NPHP1: variants seen among roughly 807,000 people sequenced by gnomAD.
NPHP1 encodes nephrocystin 1.
Under a neutral mutation model 90.4 loss-of-function variants are expected in NPHP1, and 70 were observed. The ratio of observed to expected loss-of-function variants is 0.77; its 90% CI spans 0.64 to 0.95. The LOEUF (loss-of-function observed/expected upper bound fraction) is 0.95. Ranked by LOEUF, NPHP1 falls within the 40% of genes least tolerant of loss-of-function variation. The pLI is 0.00. For missense variants in NPHP1, 764 were observed against 795.9 expected (o/e 0.96, Z 0.48); for synonymous variants, 256 against 271.7 (o/e 0.94, Z 0.57).
rs549144373 is a variant in NPHP1 at position 110,139,232 on chromosome 2, C to CACAT, written c.1529+4309_1529+4310insATGT. On this transcript the variant is annotated intron_variant, in intron 16 of 19. Coordinates refer to ENST00000445609, the MANE Select transcript of NPHP1 (RefSeq NM_001128178.3). Reference sequence around the variant, plus strand: ...ACACACACACACACACACACACACACGCAACCTACTTCTCCAGATCAGGGT... The same window carrying CACAT: ...ACACACACACACACACACACACACACACATGCAACCTACTTCTCCAGATCAGGGT... Among the ~76,000 whole-genome samples the CACAT allele has an allele frequency of 2.2e-3, 332 of 150,196 alleles. 3 individuals carry two copies. The highest frequency in any genetic ancestry group is 7.6e-3 in the African/African-American group (310 of 40,914).
chr2:110,171,277 G>A (rs1683114145), intron 4 of NPHP1, among the ~76,000 whole-genome samples: 1 of 152,152 alleles, frequency 6.6e-6, no homozygotes, highest in Non-Finnish European at 1.5e-5. Flanking sequence ...AGCACCTACT[G>A]TGTGACAGAC....
intron 4 of NPHP1, chr2:110,178,211 AT>A: frequency 3.7e-6 from 2 of 546,166 alleles, no homozygotes; most frequent in Non-Finnish European, 6.4e-6. Context: ...TAAATTATAA[AT>A]TGCCTGAGGG....
At position 110,186,144 on chromosome 2, in the gene NPHP1, A is replaced by G. The variant is rs375090180; in HGVS notation, c.144-6460T>C. 4.3e-4 allele frequency among the ~76,000 whole-genome samples: 66 copies of G among 152,244 alleles called. 2 individuals carry two copies. The South Asian group carries it at 0.013, about 30-fold the overall frequency. On this transcript the variant is annotated intron_variant, in intron 2 of 19. Transcript: ENST00000445609. Reference sequence around the variant, plus strand: ...TCCACAGGTTGCAGGACCATTTGAAATTGGTAGCTATACTCAAAGACACTC... The same window carrying G: ...TCCACAGGTTGCAGGACCATTTGAAGTTGGTAGCTATACTCAAAGACACTC...
chr2:110,153,780 A>C (rs11676044), intron 11 of NPHP1, among the ~76,000 whole-genome samples: 47,748 of 151,856 alleles, frequency 0.31, 8,149 homozygotes, highest in East Asian at 0.59. Flanking sequence ...TCAGTAGTTC[A>C]AGACTAGCCT....
At chr2:110,130,005 C>T (rs1290569845) in intron 17 of NPHP1, among the ~76,000 whole-genome samples, 1 of 152,114 alleles carries the variant, frequency 6.6e-6, no homozygotes, top group African/African-American at 2.4e-5. Flanking sequence ...CATTTGGTGT[C>T]TGGTAAGGGC....
chr2:110,147,821 A>C, intron 13 of NPHP1, 95 bp downstream of exon 13: 1 of 766,182 alleles, frequency 1.3e-6, no homozygotes, highest in South Asian at 1.5e-5. Flanking sequence ...TCAATTACAC[A>C]TAAAGACTTC....
intron 16 of NPHP1, among the ~76,000 whole-genome samples, chr2:110,132,572 T>G (rs1679870370): frequency 6.6e-6 from 1 of 152,112 alleles, no homozygotes; most frequent in Admixed American, 6.6e-5. Flanking sequence ...AAGAATCCCT[T>G]GAGCCTGGGC....
At chr2:110,177,347 A>T (rs1293301362) in intron 4 of NPHP1, among the ~76,000 whole-genome samples, 1 of 152,122 alleles carries the variant, frequency 6.6e-6, no homozygotes, top group Non-Finnish European at 1.5e-5. Flanking sequence ...GATACAGTAT[A>T]AAGGTTGGAG....
At chr2:110,132,471 A>G (rs1317849651) in intron 16 of NPHP1, among the ~76,000 whole-genome samples, 2 of 152,200 alleles carry the variant, frequency 1.3e-5, no homozygotes, top group South Asian at 2.1e-4. Context: ...CCTGGCCAAC[A>G]TGGTGAAACC....
intron 1 of NPHP1, among the ~76,000 whole-genome samples, chr2:110,203,359 A>AAC (rs1235496402): frequency 6.6e-6 from 1 of 152,112 alleles, no homozygotes; most frequent in Non-Finnish European, 1.5e-5. Context: ...ACCTCAGCAT[A>AAC]ACACAGTGTT....
intron 18 of NPHP1, chr2:110,127,408 A>G (rs1395169944): frequency 6.6e-6 from 1 of 152,180 alleles, no homozygotes; most frequent in Non-Finnish European, 1.5e-5. Context: ...AGAAACAACC[A>G]CCACTTTCTT....
At chr2:110,158,927 G>A (rs60122255) in intron 11 of NPHP1, among the ~76,000 whole-genome samples, 3 of 151,612 alleles carry the variant, frequency 2.0e-5, no homozygotes, top group Non-Finnish European at 2.9e-5. Context: ...GTTGCATTTT[G>A]CAATTTGAGG....
chr2:110,135,476 C>CAAAAAA lies in NPHP1; in HGVS notation c.1530-3691_1530-3686dup, dbSNP rs66696927. The stretch of plus-strand genomic sequence containing the variant: ...TGGGAGACACAGCGAGACCCCGTCT[C>CAAAAAA]AAAAAAAAAAAAAAAAAAAAAAAAA... On this transcript the variant is annotated intron_variant, in intron 16 of 19. Coordinates refer to ENST00000445609, the MANE Select transcript of NPHP1 (RefSeq NM_001128178.3). Among the ~76,000 whole-genome samples, 3 of 15,114 alleles carry CAAAAAA rather than the reference C, an allele frequency of 2.0e-4. 1 individual carries two copies. Among genetic ancestry groups the CAAAAAA allele is most frequent in the Non-Finnish European group, 3.2e-4 (2 of 6,270 alleles). The allele number at this position is 15,114 out of a possible 152,430, so 9.9% of individuals were successfully genotyped here.
At chr2:110,204,837 C>T (rs1187280912) in intron 1 of NPHP1, 63 bp downstream of exon 1, 3 of 1,541,912 alleles carry the variant, frequency 1.9e-6, no homozygotes, top group African/African-American at 2.7e-5. Context: ...TGGGAAGGCG[C>T]AGTGCGCGCA....
intron 19 of NPHP1, chr2:110,125,119 A>C (rs1240348667): frequency 2.1e-6 from 3 of 1,400,940 alleles, no homozygotes; most frequent in Non-Finnish European, 2.8e-6. Flanking sequence ...TGAAAAGCCA[A>C]GAAGATTTTC....
At chr2:110,148,621 T>C (rs1681242897) in intron 12 of NPHP1, among the ~76,000 whole-genome samples, 1 of 152,182 alleles carries the variant, frequency 6.6e-6, no homozygotes, top group Admixed American at 6.5e-5. Context: ...AACTTCACTT[T>C]TAAAGGGAAA....
intron 4 of NPHP1, 150 bp downstream of exon 4, chr2:110,178,273 T>A: frequency 3.9e-6 from 3 of 770,566 alleles, no homozygotes; most frequent in Non-Finnish European, 6.4e-6. Context: ...TCTAACACCT[T>A]CTATTATACA....
intron 6 of NPHP1, 93 bp from the exon 7 acceptor site, chr2:110,165,248 A>G: frequency 1.0e-6 from 1 of 972,284 alleles, no homozygotes; most frequent in Non-Finnish European, 1.6e-6. Flanking sequence ...TCCAGTAAAA[A>G]CAAAAACAAG....
intron 13 of NPHP1, among the ~76,000 whole-genome samples, chr2:110,147,276 G>C (rs1455861350): frequency 5.9e-5 from 9 of 151,848 alleles, no homozygotes; most frequent in Non-Finnish European, 1.0e-4. Context: ...CTTCCTTTGG[G>C]GGGCCTGCTC....
Sources: allele counts gnomAD v4.1 joint callset (sites outside exome capture counted in the v4.1 genomes callset), GRCh38; gene constraint gnomAD v4.1.1; transcripts MANE v1.5; gene names NCBI Gene and HGNC (gene_info 2026-07-23, HGNC 2026-07-21).